Variants in TNFAIP8 observed in about 807,000 individuals in gnomAD.
TNFAIP8 encodes TNF alpha induced protein 8.
Under a neutral mutation model 13.3 loss-of-function variants are expected in TNFAIP8, and 7 were observed. The observed-to-expected ratio is 0.52, with a 90% CI of 0.30 to 0.99. The LOEUF is 0.99. Ranked by LOEUF, TNFAIP8 falls within the 50% of genes least tolerant of loss-of-function variation. The pLI is 0.07. For missense variants in TNFAIP8, 258 were observed against 236.9 expected (o/e 1.09, Z -0.58); for synonymous variants, 94 against 87.6 (o/e 1.07, Z -0.41).
At chr5:119,363,696 C>G (rs1366782357) in intron 1 of TNFAIP8, among the ~76,000 whole-genome samples, 1 of 152,204 alleles carries the variant, frequency 6.6e-6, no homozygotes, top group Non-Finnish European at 1.5e-5. Flanking sequence ...ACCAGTTTTC[C>G]AAATTTCAGC....
chr5:119,333,972 C>T (rs1002615489), intron 1 of TNFAIP8, among the ~76,000 whole-genome samples: 1 of 152,168 alleles, frequency 6.6e-6, no homozygotes, highest in Non-Finnish European at 1.5e-5. Context: ...CTCAGAGTTT[C>T]TCTTTTACAT....
chr5:119,341,398 A>G (rs250303), intron 1 of TNFAIP8, among the ~76,000 whole-genome samples: 36,387 of 151,130 alleles, frequency 0.24, 5,324 homozygotes, highest in East Asian at 0.41. Context: ...AAGGCATTGA[A>G]GTTCAGTTAA....
At chr5:119,347,292 A>T (rs969569282) in intron 1 of TNFAIP8, among the ~76,000 whole-genome samples, 8 of 152,230 alleles carry the variant, frequency 5.3e-5, no homozygotes, top group African/African-American at 1.9e-4. Flanking sequence ...GGGGAATGGT[A>T]GCCAATGTAC....
chr5:119,315,984 G>A (rs1246986848), intron 1 of TNFAIP8, among the ~76,000 whole-genome samples: 2 of 152,116 alleles, frequency 1.3e-5, no homozygotes, highest in African/African-American at 4.8e-5. Context: ...ACCATGTGAG[G>A]AAGTAATTCT....
Position 119,383,149 on chromosome 5 carries a change from T to G in TNFAIP8, c.32-9667T>G, listed in dbSNP as rs550770055. On this transcript the variant is annotated intron_variant, in intron 1 of 1. Coordinates refer to ENST00000504771, the MANE Select transcript of TNFAIP8 (RefSeq NM_014350.4). ...CTTATTGAAGAATTAAGGTTTTGTT[T>G]TTTTAATGTAGTTTGTAAGAGAAGC... 1.6e-4 allele frequency among the ~76,000 whole-genome samples: 24 copies of G among 152,404 alleles called. 1 individual carries two copies. In the South Asian group the frequency reaches 2.7e-3, roughly 17 times the overall value.
At chr5:119,281,306 A>ACTCT (rs34012819) in intron 1 of TNFAIP8, among the ~76,000 whole-genome samples, 10,245 of 114,222 alleles carry the variant, frequency 0.09, 805 homozygotes, top group African/African-American at 0.22. Flanking sequence ...ACACACACAC[A>ACTCT]CTCTCTCTCT....
chr5:119,326,645 C>T (rs895389136), intron 1 of TNFAIP8, among the ~76,000 whole-genome samples: 1 of 152,100 alleles, frequency 6.6e-6, no homozygotes, highest in Non-Finnish European at 1.5e-5. Context: ...TAAGGGTGAT[C>T]GGGCTGTGCT....
At chr5:119,379,938 C>G (rs1376686265) in intron 1 of TNFAIP8, among the ~76,000 whole-genome samples, 2 of 152,176 alleles carry the variant, frequency 1.3e-5, no homozygotes, top group East Asian at 3.9e-4. Context: ...TCTGGGGGAG[C>G]AGGCAGGCTC....
intron 1 of TNFAIP8, among the ~76,000 whole-genome samples, chr5:119,311,757 C>T (rs1165649185): frequency 6.8e-6 from 1 of 147,308 alleles, no homozygotes; most frequent in Admixed American, 6.8e-5. Context: ...AGGTGATTAG[C>T]AAGAGCAGAG....
chr5:119,307,624 T>C (rs1315894158), intron 1 of TNFAIP8, among the ~76,000 whole-genome samples: 2 of 152,246 alleles, frequency 1.3e-5, no homozygotes, highest in African/African-American at 4.8e-5. Flanking sequence ...TTTTTAACAA[T>C]TCTCAATTGG....
At chr5:119,270,138 G>A (rs567693029) in intron 1 of TNFAIP8, among the ~76,000 whole-genome samples, 2 of 152,374 alleles carry the variant, frequency 1.3e-5, no homozygotes, top group South Asian at 4.1e-4. Context: ...TAACCAAAAA[G>A]GGTAGGCTTT....
In TNFAIP8 at chr5:119,273,125, G is replaced by C. The variant is rs113611625; in HGVS notation, c.1+4218G>C. On this transcript the variant is annotated intron_variant, in intron 1 of 1. Coordinates refer to the TNFAIP8 transcript ENST00000274456. The stretch of plus-strand genomic sequence containing the variant: ...GCTCATGTCTCAGCCCCTGCTGGCT[G>C]TGTGGCTTTGGACAATCTACTTAGC... 5.6e-3 allele frequency among the ~76,000 whole-genome samples: 860 copies of C among 152,366 alleles called. 5 individuals carry two copies. Among genetic ancestry groups the C allele is most frequent in the Admixed American group, 0.014 (219 of 15,306 alleles).
rs775400441 is a variant in TNFAIP8, at chr5:119,356,072, A to T, written c.-19A>T. ...ACATGTGAGCGGTAATCGCCCCTGC[A>T]GCTGGTTATCCTGACATTATGCACT... is the stretch of plus-strand genomic sequence containing the variant. On this transcript the variant is annotated 5_prime_UTR_variant, in exon 1 of 2. Transcript: ENST00000504771. 3.2e-6 allele frequency: 5 copies of T among 1,578,054 alleles called. No individual in the cohort carries two copies. The highest frequency in any genetic ancestry group is 4.3e-6 in the Non-Finnish European group (5 of 1,161,032).
chr5:119,269,452 A>ATGTG (rs1301676518), intron 1 of TNFAIP8, among the ~76,000 whole-genome samples: 2 of 151,428 alleles, frequency 1.3e-5, no homozygotes, highest in South Asian at 4.2e-4. Flanking sequence ...GTGTGTGTGT[A>ATGTG]TGTGTGTGTG....
intron 1 of TNFAIP8, among the ~76,000 whole-genome samples, chr5:119,374,421 G>A (rs1245187956): frequency 2.0e-5 from 3 of 152,202 alleles, no homozygotes; most frequent in Non-Finnish European, 4.4e-5. Flanking sequence ...GGGTTAGGAT[G>A]TTCCTCACAT....
At chr5:119,391,436 A>G (rs1562037198) in intron 1 of TNFAIP8, 1 of 702,166 alleles carries the variant, frequency 1.4e-6, no homozygotes, top group Non-Finnish European at 2.6e-6. Flanking sequence ...TAGACACCCA[A>G]AGAACTGCAG....
intron 1 of TNFAIP8, chr5:119,306,537 A>G (rs1463077308): frequency 6.6e-6 from 1 of 151,954 alleles, no homozygotes; most frequent in Non-Finnish European, 1.5e-5. Context: ...TGGACGCCTG[A>G]TCGTCATACA....
At chr5:119,306,318 C>CTTTCTTTTT (rs1561993322) in intron 1 of TNFAIP8, 2 of 121,758 alleles carry the variant, frequency 1.6e-5, no homozygotes, top group African/African-American at 8.3e-5. Context: ...TTCTTTCTTT[C>CTTTCTTTTT]TTTTTCTTTT....
intron 1 of TNFAIP8, among the ~76,000 whole-genome samples, chr5:119,369,344 G>A (rs749332108): frequency 1.3e-5 from 2 of 152,082 alleles, no homozygotes; most frequent in Admixed American, 6.6e-5. Context: ...ATGAGCCACC[G>A]CACCTGGCCC....
Sources: allele counts gnomAD v4.1 joint callset (sites outside exome capture counted in the v4.1 genomes callset), GRCh38; gene constraint gnomAD v4.1.1; transcripts MANE v1.5; gene names NCBI Gene and HGNC (gene_info 2026-07-23, HGNC 2026-07-21).